NPAS3: variants seen among roughly 807,000 people sequenced by gnomAD.
NPAS3 encodes neuronal PAS domain-containing protein 3.
NPAS3 carries 14 observed loss-of-function variants against 73.1 expected under a neutral mutation model. The ratio of observed to expected loss-of-function variants is 0.19; its 90% CI spans 0.13 to 0.30. NPAS3 has a LOEUF of 0.30. Ranked by LOEUF, NPAS3 falls within the 10% of genes least tolerant of loss-of-function variation. The pLI is 1.00. For synonymous variants in NPAS3, 620 were observed against 541.5 expected (o/e 1.14, Z -2.01); for missense variants, 1,096 against 1,250.0 (o/e 0.88, Z 1.86).
At chr14:33,489,404 CAG>C (rs2051779198) in intron 4 of NPAS3, among the ~76,000 whole-genome samples, 1 of 151,830 alleles carries the variant, frequency 6.6e-6, no homozygotes, top group Non-Finnish European at 1.5e-5. Flanking sequence ...TCATTGAAGG[CAG>C]AGACTGTGTC....
intron 4 of NPAS3, among the ~76,000 whole-genome samples, chr14:33,527,638 A>G (rs1424624170): frequency 6.6e-6 from 1 of 152,184 alleles, no homozygotes; most frequent in Non-Finnish European, 1.5e-5. Context: ...TCATGTGAAA[A>G]TCAGGATTTA....
At chr14:33,704,702 A>AAGGGG (rs1317942706) in intron 6 of NPAS3, among the ~76,000 whole-genome samples, 3 of 152,314 alleles carry the variant, frequency 2.0e-5, no homozygotes, top group Middle Eastern at 3.4e-3. Context: ...TATAATAGCA[A>AAGGGG]ACAAAGTTTT....
chr14:33,010,038 C>A (rs778403961), intron 1 of NPAS3, among the ~76,000 whole-genome samples: 2 of 152,036 alleles, frequency 1.3e-5, no homozygotes, highest in African/African-American at 4.8e-5. Flanking sequence ...TTGGATGAGA[C>A]AATGAGATAA....
chr14:33,097,566 C>T (rs1653231157), intron 2 of NPAS3, among the ~76,000 whole-genome samples: 2 of 152,128 alleles, frequency 1.3e-5, no homozygotes, highest in Admixed American at 6.5e-5. Flanking sequence ...TTGCTCAGTC[C>T]TAGGATATGC....
intron 5 of NPAS3, among the ~76,000 whole-genome samples, chr14:33,672,530 T>C (rs938456324): frequency 5.3e-5 from 8 of 152,162 alleles, no homozygotes; most frequent in African/African-American, 1.9e-4. Flanking sequence ...CTAATTAGCA[T>C]TGGATTGGAG....
At chr14:33,512,968 C>G (rs1187120340) in intron 4 of NPAS3, among the ~76,000 whole-genome samples, 1 of 152,002 alleles carries the variant, frequency 6.6e-6, no homozygotes, top group African/African-American at 2.4e-5. Context: ...TAGTTGGTAA[C>G]CCCCAATGTG....
intron 3 of NPAS3, among the ~76,000 whole-genome samples, chr14:33,362,284 G>A (rs908116381): frequency 6.6e-6 from 1 of 152,120 alleles, no homozygotes; most frequent in Non-Finnish European, 1.5e-5. Flanking sequence ...GCAGAGTGAT[G>A]AGGGCCAGTT....
At chr14:33,209,765 G>A (rs2046963087) in intron 2 of NPAS3, among the ~76,000 whole-genome samples, 1 of 152,220 alleles carries the variant, frequency 6.6e-6, no homozygotes, top group African/African-American at 2.4e-5. Context: ...AAATGGTTTT[G>A]ACCCTGCTTC....
chr14:33,681,457 G>A (rs1214565385), intron 6 of NPAS3, among the ~76,000 whole-genome samples: 1 of 152,202 alleles, frequency 6.6e-6, no homozygotes. Flanking sequence ...AACAGAAGGT[G>A]TAATGGATTT....
At chr14:33,450,735 A>G (rs962398370) in intron 4 of NPAS3, among the ~76,000 whole-genome samples, 3 of 152,162 alleles carry the variant, frequency 2.0e-5, no homozygotes, top group Non-Finnish European at 4.4e-5. Flanking sequence ...GAAGTTTTCA[A>G]TACATATTTT....
At position 33,510,882 on chromosome 14, in the gene NPAS3, A is replaced by G. The variant is rs116618647; in HGVS notation, c.469-49239A>G. Among the ~76,000 whole-genome samples, 240 of 152,158 alleles carry G rather than the reference A, an allele frequency of 1.6e-3. 1 individual carries two copies. The highest frequency in any genetic ancestry group is 5.6e-3 in the African/African-American group (231 of 41,544). On this transcript the variant is annotated intron_variant, in intron 4 of 11. Coordinates refer to ENST00000356141, the Ensembl canonical transcript of NPAS3. ...GCTTTATGTGTTCTTCTTTACCAAC[A>G]TGTTGAATGATCTTTTTTCCTTTAT...
At chr14:33,494,177 C>T (rs992592066) in intron 4 of NPAS3, among the ~76,000 whole-genome samples, 21 of 152,170 alleles carry the variant, frequency 1.4e-4, no homozygotes, top group South Asian at 4.2e-4. Flanking sequence ...GAGCCCAGCT[C>T]GGTGCCAGGG....
chr14:32,944,811 G>T (rs1240086630), intron 1 of NPAS3, among the ~76,000 whole-genome samples: 2 of 152,192 alleles, frequency 1.3e-5, no homozygotes, highest in African/African-American at 4.8e-5. Context: ...GAAGTTTTCT[G>T]TATACATTTG....
chr14:33,362,225 G>C (rs965134602), intron 3 of NPAS3, among the ~76,000 whole-genome samples: 6 of 151,464 alleles, frequency 4.0e-5, no homozygotes, highest in African/African-American at 1.5e-4. Context: ...AGATACTGAG[G>C]CGTTTTGTAT....
intron 1 of NPAS3, among the ~76,000 whole-genome samples, chr14:33,051,624 G>C (rs550141785): frequency 6.6e-6 from 1 of 152,306 alleles, no homozygotes; most frequent in Non-Finnish European, 1.5e-5. Flanking sequence ...GGGAGCCCTT[G>C]ACCCTGGCTA....
chr14:32,987,481 A>T (rs1399172810), intron 1 of NPAS3, among the ~76,000 whole-genome samples: 1 of 152,168 alleles, frequency 6.6e-6, no homozygotes, highest in Non-Finnish European at 1.5e-5. Flanking sequence ...CCCTGAAAGC[A>T]GTTAGTTTCA....
At chr14:33,788,697 C>G (rs993889979) in intron 9 of NPAS3, among the ~76,000 whole-genome samples, 1 of 152,146 alleles carries the variant, frequency 6.6e-6, no homozygotes, top group African/African-American at 2.4e-5. Flanking sequence ...GATTTACTAC[C>G]AGAATTATGT....
intron 4 of NPAS3, among the ~76,000 whole-genome samples, chr14:33,513,289 G>T (rs915703123): frequency 6.6e-6 from 1 of 151,944 alleles, no homozygotes; most frequent in East Asian, 1.9e-4. Context: ...ATATATTCTA[G>T]TGAACACTGT....
Position 33,215,391 on chromosome 14 carries a change from G to A in NPAS3, c.350G>A (p.Arg117Gln), listed in dbSNP as rs777443078. ...CAGGGGGACCCTCCGTGGAACTTGC[G>A]AATGGAAGGCCCTCCACCTAACACA... Residue 117 changes from arginine (R) to glutamine (Q), a missense_variant, in exon 3 of 12, where the codon CGA becomes CAA. By Grantham distance (43) the Arg-to-Gln change is conservative. Around this residue, in one of 5 missense-constraint regions of NPAS3, gnomAD observed 215 missense variants for 260.0 expected, o/e 0.83. Transcript: ENST00000356141. 1.5e-5 allele frequency: 25 copies of A among 1,613,848 alleles called. No individual in the cohort carries two copies. Among genetic ancestry groups the A allele is most frequent in the East Asian group, 4.5e-5 (2 of 44,874 alleles).
Sources: gnomAD v4.1 joint callset for allele counts (sites outside exome capture counted in the v4.1 genomes callset) on GRCh38, gnomAD v4.1.1 for gene constraint, gnomAD v4.1.1 regional missense constraint, MANE v1.5 for transcripts, NCBI Gene and HGNC (gene_info 2026-07-23, HGNC 2026-07-21) for gene names.